The following MYT1 variants were observed in gnomAD, a reference collection of about 807,000 sequenced individuals.
MYT1 encodes the protein myelin transcription factor 1.
In MYT1, 23 loss-of-function variants were observed where a neutral mutation model predicts 123.0. The observed-to-expected ratio is 0.19, with a 90% CI of 0.13 to 0.26. The LOEUF is 0.26. Ranked by LOEUF, MYT1 falls within the 10% of genes least tolerant of loss-of-function variation. The probability of loss-of-function intolerance (pLI) is 1.00; values close to 1 mark genes in which losing one functional copy is unlikely to be tolerated. For missense variants in MYT1, 1,125 were observed against 1,472.5 expected (o/e 0.76, Z 3.86); for synonymous variants, 518 against 575.3 (o/e 0.90, Z 1.43).
chr20:64,227,872 C>T lies in MYT1; in HGVS notation c.2592-16C>T, dbSNP rs2145729268. On this transcript the variant is annotated splice_polypyrimidine_tract_variant and intron_variant, in intron 17 of 22. Transcript: ENST00000328439. Reference sequence around the variant, plus strand: ...TTCCAGCACTAAGGTGGCCTTTTTTCCTCTTTCGAAATCAGCTTGTCCGGC... The same window carrying T: ...TTCCAGCACTAAGGTGGCCTTTTTTTCTCTTTCGAAATCAGCTTGTCCGGC... The T allele has an allele frequency of 3.1e-6, 5 of 1,592,666 alleles. No individual in the cohort carries two copies. Among genetic ancestry groups the T allele is most frequent in the Non-Finnish European group, 4.3e-6 (5 of 1,168,112 alleles).
intron 21 of MYT1, among the ~76,000 whole-genome samples, chr20:64,238,619 G>GCCCTCCCGGCGGAGCCATCCCCGTC (rs142017887): frequency 0.17 from 25,457 of 151,334 alleles, 2,303 homozygotes; most frequent in Middle Eastern, 0.27. Flanking sequence ...AGGAGTGATG[G>GCCCTCCCGGCGGAGCCATCCCCGTC]CCCTCCCGGC....
At position 64,167,618 on chromosome 20, in the gene MYT1, T is replaced by C. The variant is rs760349693; in HGVS notation, c.-99+2879T>C. On this transcript the variant is annotated intron_variant, in intron 1 of 22. Transcript: ENST00000328439. This position sits in a 1 kb window ranked among gnomAD's most constrained non-coding sequence, Gnocchi z 6.3. Reference sequence around the variant, plus strand: ...AGAGTGGATGCTCTGCCTGTCCCAATGCTGGAAGACACATCTCAGAGCCCC... The same window carrying C: ...AGAGTGGATGCTCTGCCTGTCCCAACGCTGGAAGACACATCTCAGAGCCCC... Among the ~76,000 whole-genome samples, 1 of 152,206 alleles carries C rather than the reference T, an allele frequency of 6.6e-6. No homozygotes were observed. Among genetic ancestry groups the C allele is most frequent in the African/African-American group, 2.4e-5 (1 of 41,452 alleles).
chr20:64,215,865 G>A (rs573336021), intron 10 of MYT1, among the ~76,000 whole-genome samples: 7 of 151,866 alleles, frequency 4.6e-5, no homozygotes, highest in Non-Finnish European at 8.8e-5. Flanking sequence ...AAAGTGCTTG[G>A]ATTATAGACA....
chr20:64,165,570 G>A (rs888538214), intron 1 of MYT1, among the ~76,000 whole-genome samples: 1 of 152,148 alleles, frequency 6.6e-6, no homozygotes. Context: ...GCTTTGTGTT[G>A]GAGTGGTGGG....
intron 19 of MYT1, among the ~76,000 whole-genome samples, chr20:64,233,178 C>A (rs1984377137): frequency 8.0e-6 from 1 of 125,346 alleles, no homozygotes; most frequent in Admixed American, 8.3e-5. Context: ...TTTCCCTCCC[C>A]TCTCCCCTTT....
intron 19 of MYT1, among the ~76,000 whole-genome samples, chr20:64,235,466 C>T (rs1018040440): frequency 1.5e-5 from 2 of 132,830 alleles, no homozygotes; most frequent in African/African-American, 5.9e-5. Context: ...CGGTGGGTGA[C>T]CCTGGAATGG....
rs1424940597 is a variant in MYT1 at position 64,186,434 on chromosome 20, C to T, written c.-98-3629C>T. On this transcript the variant is annotated intron_variant, in intron 1 of 22. Transcript: ENST00000328439. This position sits in a 1 kb window ranked among gnomAD's most constrained non-coding sequence, Gnocchi z 4.3. ...CAATAACCCAAGAGAACAGGCTCGT[C>T]TGGATGAAAACCTCCACTTCACTTC... Among the ~76,000 whole-genome samples, 1 of 152,202 alleles carries T rather than the reference C, an allele frequency of 6.6e-6. No homozygotes were observed. The highest frequency in any genetic ancestry group is 1.5e-5 in the Non-Finnish European group (1 of 68,036).
intron 1 of MYT1, among the ~76,000 whole-genome samples, chr20:64,170,872 TATATATATATATAGAGAG>T (rs1482527130): frequency 1.3e-4 from 8 of 62,472 alleles, no homozygotes; most frequent in South Asian, 6.5e-4. Context: ...TATATATATA[TATATATATATATAGAGAG>T]AGAGAGAGAG....
chr20:64,188,148 C>A (rs1982866884), intron 1 of MYT1, among the ~76,000 whole-genome samples: 1 of 152,172 alleles, frequency 6.6e-6, no homozygotes, highest in African/African-American at 2.4e-5. Context: ...GTGGAGAAGC[C>A]CCAGTGAGCT....
chr20:64,223,066 G>C (rs778461971), intron 14 of MYT1, 45 bp from the exon 15 acceptor site: 10 of 1,611,006 alleles, frequency 6.2e-6, no homozygotes, highest in Non-Finnish European at 8.5e-6. Context: ...CTGGGGGGCA[G>C]GTACACACCA....
In MYT1 at chr20:64,213,755, G is replaced by C. The variant is rs1569995; in HGVS notation, c.1631+108G>C. 115,631 of 897,944 alleles carry C rather than the reference G, an allele frequency of 0.13. 8,433 individuals are homozygous for C. Among genetic ancestry groups the C allele is most frequent in the Middle Eastern group, 0.2 (628 of 3,216 alleles). The allele number at this position is 897,944 out of a possible 1,614,324, so 55.6% of individuals were successfully genotyped here. A position where few individuals can be genotyped will look rare whatever the true frequency, so the allele number is the denominator to read the frequency against. The stretch of plus-strand genomic sequence containing the variant: ...TGCATGTGTGTGAGTGCATGTGTGT[G>C]AGTGTACGTGCATGTGAGTGTACGT... On this transcript the variant is annotated intron_variant, in intron 10 of 22. Transcript: ENST00000328439. This position sits in a 1 kb window ranked among gnomAD's most constrained non-coding sequence, Gnocchi z 5.6.
chr20:64,195,386 G>GTC (rs1983083599), intron 2 of MYT1, among the ~76,000 whole-genome samples: 1 of 95,640 alleles, frequency 1.0e-5, no homozygotes, highest in Non-Finnish European at 2.1e-5. Context: ...GTGTGTGTGT[G>GTC]TGTGTGTGTG....
At chr20:64,205,837 C>G (rs1433715295) in intron 6 of MYT1, 37 bp downstream of exon 6, 2 of 1,605,382 alleles carry the variant, frequency 1.2e-6, no homozygotes, top group Non-Finnish European at 8.5e-7. Context: ...ATAAAGGGCG[C>G]TTAGTGTGGC....
At position 64,191,948 on chromosome 20, in the gene MYT1, G is replaced by A. The variant is rs1275702937; in HGVS notation, c.-1+1788G>A. The stretch of plus-strand genomic sequence containing the variant: ...AGATCCTGAGGATTCACATAGCGCT[G>A]TACTGGCATGAGATCATGTGAGCAT... On this transcript the variant is annotated intron_variant, in intron 2 of 22. Transcript: ENST00000328439. The surrounding 1 kb of genome is among the most constrained non-coding windows in gnomAD (Gnocchi z 4.1). 1 of 152,206 alleles carries A rather than the reference G, an allele frequency of 6.6e-6. No homozygotes were observed. Among genetic ancestry groups the A allele is most frequent in the Non-Finnish European group, 1.5e-5 (1 of 68,042 alleles). The allele number at this position is 152,206 out of a possible 1,614,324, so 9.4% of individuals were successfully genotyped here. A position where few individuals can be genotyped will look rare whatever the true frequency, so the allele number is the denominator to read the frequency against.
In MYT1 at chr20:64,203,193, G is replaced by A. The variant is rs1286985952; in HGVS notation, c.87-1842G>A. Among the ~76,000 whole-genome samples, 3 of 152,186 alleles carry A rather than the reference G, an allele frequency of 2.0e-5. No homozygotes were observed. Among genetic ancestry groups the A allele is most frequent in the East Asian group, 1.9e-4 (1 of 5,196 alleles). On this transcript the variant is annotated intron_variant, in intron 4 of 22. Transcript: ENST00000328439. The surrounding 1 kb of genome is among the most constrained non-coding windows in gnomAD (Gnocchi z 5.1). ...GCAGGCCCACCTTCCTGGGGACCAG[G>A]ACTCTTCTGAGCTGAGGGTGACGTG... is the stretch of plus-strand genomic sequence containing the variant.
intron 4 of MYT1, among the ~76,000 whole-genome samples, chr20:64,201,019 C>G (rs1983281934): frequency 6.6e-6 from 1 of 152,128 alleles, no homozygotes; most frequent in African/African-American, 2.4e-5. Flanking sequence ...TCAGAAGGAC[C>G]CCGAGTAAAG....
intron 6 of MYT1, among the ~76,000 whole-genome samples, chr20:64,207,241 G>A (rs1983508723): frequency 6.6e-6 from 1 of 152,218 alleles, no homozygotes; most frequent in East Asian, 1.9e-4. Flanking sequence ...AATCTGACTT[G>A]CTGCTTAAGC....
chr20:64,239,413 C>T (rs981069887), intron 21 of MYT1, among the ~76,000 whole-genome samples: 1 of 152,146 alleles, frequency 6.6e-6, no homozygotes, highest in African/African-American at 2.4e-5. Flanking sequence ...TGTGCTCCCA[C>T]CCCATCCCCT....
At chr20:64,178,005 C>T (rs1287045238) in intron 1 of MYT1, among the ~76,000 whole-genome samples, 5 of 152,144 alleles carry the variant, frequency 3.3e-5, no homozygotes, top group African/African-American at 1.2e-4. Flanking sequence ...ACATCATGGA[C>T]TTCAGGGTCT....
Sources: gnomAD v4.1 joint callset for allele counts (sites outside exome capture counted in the v4.1 genomes callset) on GRCh38, gnomAD v4.1.1 for gene constraint, Gnocchi (gnomAD v3.1) non-coding constraint, MANE v1.5 for transcripts, NCBI Gene and HGNC (gene_info 2026-07-23, HGNC 2026-07-21) for gene names.